EVA1A: variants seen among roughly 807,000 people sequenced by gnomAD.
EVA1A encodes eva-1 homolog A, regulator of programmed cell death.
In EVA1A, 7 loss-of-function variants were observed where a neutral mutation model predicts 9.8. The observed-to-expected ratio is 0.71, with a 90% CI of 0.41 to 1.34. The LOEUF (loss-of-function observed/expected upper bound fraction) is 1.34. Ranked by LOEUF, EVA1A falls within the 40% of genes most tolerant of loss-of-function variation. The probability of loss-of-function intolerance (pLI) is 0.01; values close to 1 mark genes in which losing one functional copy is unlikely to be tolerated. For synonymous variants in EVA1A, 90 were observed against 85.6 expected (o/e 1.05, Z -0.28); for missense variants, 206 against 205.9 (o/e 1.00, Z 0.00).
At chr2:75,496,566 T>C (rs1027401696) in intron 3 of EVA1A, among the ~76,000 whole-genome samples, 1 of 152,220 alleles carries the variant, frequency 6.6e-6, no homozygotes, top group African/African-American at 2.4e-5. Context: ...TCCATGCTCA[T>C]GGATTGGAAG....
At chr2:75,545,014 T>C (rs1299570823) in intron 1 of EVA1A, among the ~76,000 whole-genome samples, 1 of 152,248 alleles carries the variant, frequency 6.6e-6, no homozygotes, top group Non-Finnish European at 1.5e-5. Context: ...AACATTCTCA[T>C]TGTTTTCATT....
chr2:75,494,630 T>A (rs1674143193), intron 3 of EVA1A, among the ~76,000 whole-genome samples: 1 of 152,202 alleles, frequency 6.6e-6, no homozygotes, highest in African/African-American at 2.4e-5. Flanking sequence ...TCCCTCCATC[T>A]AGTCTTGAGG....
chr2:75,493,504 C>T lies in EVA1A; in HGVS notation c.191G>A (p.Arg64Lys), dbSNP rs1321814490. The T allele has an allele frequency of 6.2e-7, 1 of 1,614,220 alleles. No individual in the cohort carries two copies. ...VIRISCHTDC[R>K]RRPGKKFLQD... ...CAGGAACTTCTTCCCGGGACGCCGC[C>T]TGCAGTCTGTGTGGCAAGAGATCCT... is the stretch of plus-strand genomic sequence containing the variant. Residue 64 changes from arginine (R) to lysine (K), a missense_variant, in exon 4 of 4, where the codon AGG becomes AAG. By Grantham distance (26) the Arg-to-Lys change is conservative (BLOSUM62 2). Coordinates refer to ENST00000393913, the MANE Select transcript of EVA1A (RefSeq NM_001135032.2).
intron 1 of EVA1A, chr2:75,542,499 G>A (rs1156640690): frequency 6.6e-6 from 1 of 152,246 alleles, no homozygotes; most frequent in African/African-American, 2.4e-5. Flanking sequence ...TTTCCCACTT[G>A]GTTCTACTTC....
At chr2:75,537,038 T>C (rs886537842) in intron 1 of EVA1A, among the ~76,000 whole-genome samples, 2 of 152,000 alleles carry the variant, frequency 1.3e-5, no homozygotes, top group South Asian at 2.1e-4. Context: ...GGAACATAGA[T>C]AAAATAAAAA....
intron 1 of EVA1A, among the ~76,000 whole-genome samples, chr2:75,524,647 T>C (rs1261001570): frequency 6.6e-6 from 1 of 152,176 alleles, no homozygotes; most frequent in Admixed American, 6.5e-5. Context: ...ACTTTCTCAC[T>C]TTCTCATTCT....
At chr2:75,533,523 A>G (rs1015708259) in intron 1 of EVA1A, among the ~76,000 whole-genome samples, 2 of 152,208 alleles carry the variant, frequency 1.3e-5, no homozygotes, top group Non-Finnish European at 2.9e-5. Flanking sequence ...ATATCATGAG[A>G]TATCAAGAAA....
chr2:75,526,087 G>C (rs770940439), intron 1 of EVA1A: 2 of 152,200 alleles, frequency 1.3e-5, no homozygotes, highest in African/African-American at 2.4e-5. Context: ...AGAATTCTCT[G>C]AAGGAAGATC....
intron 1 of EVA1A, among the ~76,000 whole-genome samples, chr2:75,549,311 A>G (rs1426186298): frequency 6.6e-6 from 1 of 152,120 alleles, no homozygotes; most frequent in Non-Finnish European, 1.5e-5. Flanking sequence ...ATGTAACTTC[A>G]CCGAACCACA....
At chr2:75,500,504 C>T (rs546868401) in intron 3 of EVA1A, among the ~76,000 whole-genome samples, 1 of 151,972 alleles carries the variant, frequency 6.6e-6, no homozygotes. Flanking sequence ...GATATTTATT[C>T]ATGAGTACCT....
intron 3 of EVA1A, among the ~76,000 whole-genome samples, chr2:75,494,770 T>C (rs1674149015): frequency 6.6e-6 from 1 of 152,190 alleles, no homozygotes; most frequent in African/African-American, 2.4e-5. Context: ...CACTAAGTTT[T>C]GGGGTAGTTT....
intron 1 of EVA1A, among the ~76,000 whole-genome samples, chr2:75,528,267 G>A (rs1450750032): frequency 6.6e-6 from 1 of 152,214 alleles, no homozygotes; most frequent in African/African-American, 2.4e-5. Flanking sequence ...CAGAATCTGA[G>A]GGGTGGAGGC....
intron 1 of EVA1A, among the ~76,000 whole-genome samples, chr2:75,559,753 T>A (rs1220918114): frequency 6.8e-6 from 1 of 147,576 alleles, no homozygotes; most frequent in Non-Finnish European, 1.5e-5. Flanking sequence ...AAAAGAAGAA[T>A]CTTCTGTAGG....
At chr2:75,533,690 G>T (rs189688845) in intron 1 of EVA1A, among the ~76,000 whole-genome samples, 345 of 152,090 alleles carry the variant, frequency 2.3e-3, no homozygotes, top group African/African-American at 8.1e-3. Flanking sequence ...TAATCCCAGC[G>T]ATTTGGGAGG....
At chr2:75,558,657 T>C (rs994664124) in intron 1 of EVA1A, 1 of 152,104 alleles carries the variant, frequency 6.6e-6, no homozygotes, top group African/African-American at 2.4e-5. Flanking sequence ...CAAAGATTGA[T>C]TGCCAGCCAA....
intron 1 of EVA1A, among the ~76,000 whole-genome samples, chr2:75,567,606 T>C (rs1677050679): frequency 6.6e-6 from 1 of 152,232 alleles, no homozygotes; most frequent in Admixed American, 6.5e-5. Context: ...GGGTCCCAAA[T>C]TTCTGAAACC....
At chr2:75,544,078 C>T (rs989651283) in intron 1 of EVA1A, among the ~76,000 whole-genome samples, 4 of 152,162 alleles carry the variant, frequency 2.6e-5, no homozygotes, top group Admixed American at 2.6e-4. Flanking sequence ...TACTCATGCC[C>T]GCTTCAGAAT....
At chr2:75,556,327 T>G (rs1676711349) in intron 1 of EVA1A, among the ~76,000 whole-genome samples, 1 of 152,126 alleles carries the variant, frequency 6.6e-6, no homozygotes, top group African/African-American at 2.4e-5. Context: ...GGGGCCAGCT[T>G]CATTAGAAAG....
intron 1 of EVA1A, among the ~76,000 whole-genome samples, chr2:75,549,177 T>C (rs1220625794): frequency 1.3e-5 from 2 of 151,996 alleles, no homozygotes; most frequent in Non-Finnish European, 2.9e-5. Flanking sequence ...GATGTGGATA[T>C]CTGACACATG....
Sources: allele counts gnomAD v4.1 joint callset (sites outside exome capture counted in the v4.1 genomes callset), GRCh38; gene constraint gnomAD v4.1.1; transcripts MANE v1.5; gene names NCBI Gene and HGNC (gene_info 2026-07-23, HGNC 2026-07-21).